The following DDR2 variants were observed in gnomAD, a reference collection of about 807,000 sequenced individuals.
DDR2 encodes the protein discoidin domain-containing receptor 2.
A neutral mutation model predicts 94.9 loss-of-function variants in DDR2; 27 were observed. The ratio of observed to expected loss-of-function variants is 0.28; its 90% CI spans 0.21 to 0.39. The LOEUF (loss-of-function observed/expected upper bound fraction) is 0.39, where lower values mean the gene tolerates loss of function less well. DDR2 is among the 10% of genes least tolerant of loss of function. The pLI is 1.00. For synonymous variants in DDR2, 382 were observed against 377.2 expected (o/e 1.01, Z -0.15); for missense variants, 783 against 1,076.0 (o/e 0.73, Z 3.81).
At chr1:162,766,137 A>C in intron 10 of DDR2, 74 bp downstream of exon 10, 1 of 1,534,124 alleles carries the variant, frequency 6.5e-7, no homozygotes, top group Non-Finnish European at 9.0e-7. Context: ...GGAGAGTTGC[A>C]AAGCCCTGGC....
chr1:162,654,157 T>A (rs1657841523), intron 1 of DDR2, among the ~76,000 whole-genome samples: 1 of 152,060 alleles, frequency 6.6e-6, no homozygotes, highest in South Asian at 2.1e-4. Flanking sequence ...ACTATGCATC[T>A]CAAGGCATGG....
intron 3 of DDR2, among the ~76,000 whole-genome samples, chr1:162,749,130 G>C (rs1379555801): frequency 6.6e-6 from 1 of 152,108 alleles, no homozygotes; most frequent in African/African-American, 2.4e-5. Context: ...TCAAAAGCTA[G>C]CAGAAGGCAA....
At chr1:162,686,769 G>T (rs181150553) in intron 2 of DDR2, among the ~76,000 whole-genome samples, 19 of 152,238 alleles carry the variant, frequency 1.2e-4, no homozygotes, top group Admixed American at 3.9e-4. Flanking sequence ...GTAGAAATGG[G>T]GTTTTGCCAT....
intron 3 of DDR2, among the ~76,000 whole-genome samples, chr1:162,739,119 A>C (rs1204522619): frequency 1.5e-5 from 2 of 130,840 alleles, no homozygotes; most frequent in African/African-American, 2.9e-5. Context: ...GGATCTAATT[A>C]AACTAAAGAG....
chr1:162,693,663 T>C (rs1001851902), intron 2 of DDR2, among the ~76,000 whole-genome samples: 4 of 152,166 alleles, frequency 2.6e-5, no homozygotes, highest in Admixed American at 1.3e-4. Context: ...GGAGCTGGGC[T>C]GAGGGTTTGG....
intron 3 of DDR2, among the ~76,000 whole-genome samples, chr1:162,743,192 G>T (rs1386666777): frequency 1.3e-5 from 2 of 151,780 alleles, no homozygotes; most frequent in African/African-American, 4.8e-5. Flanking sequence ...CCTTTTTTAG[G>T]GTGAGATAAG....
chr1:162,774,327 CAT>C (rs1392952322), intron 14 of DDR2, among the ~76,000 whole-genome samples: 2 of 152,292 alleles, frequency 1.3e-5, no homozygotes, highest in African/African-American at 2.4e-5. Flanking sequence ...ACCTGGATAA[CAT>C]ATGCATTTTC....
chr1:162,757,776 A>G (rs1048438512), intron 7 of DDR2, among the ~76,000 whole-genome samples: 1 of 152,166 alleles, frequency 6.6e-6, no homozygotes, highest in Non-Finnish European at 1.5e-5. Context: ...AGTTCTGCCA[A>G]GTAAAAAGAA....
At chr1:162,764,055 T>G (rs1234381130) in intron 9 of DDR2, among the ~76,000 whole-genome samples, 1 of 152,252 alleles carries the variant, frequency 6.6e-6, no homozygotes, top group Non-Finnish European at 1.5e-5. Flanking sequence ...CACTATGTTC[T>G]AAGGTCAGTT....
intron 14 of DDR2, among the ~76,000 whole-genome samples, chr1:162,774,177 T>C (rs898641924): frequency 6.6e-6 from 1 of 152,232 alleles, no homozygotes; most frequent in Admixed American, 6.5e-5. Flanking sequence ...ATCTCTTGGA[T>C]CTTTTTCTAC....
intron 2 of DDR2, among the ~76,000 whole-genome samples, chr1:162,675,330 C>T (rs555518221): frequency 8.5e-5 from 13 of 152,180 alleles, no homozygotes; most frequent in South Asian, 6.2e-4. Context: ...GGGGTTCTGG[C>T]GGTGGCACAG....
At chr1:162,778,794 C>T in intron 17 of DDR2, 65 bp downstream of exon 17, 1 of 1,607,580 alleles carries the variant, frequency 6.2e-7, no homozygotes, top group Non-Finnish European at 8.5e-7. Flanking sequence ...AATGGCAAGT[C>T]CTGCCTTAGC....
rs1320027288 is a variant in DDR2, at chr1:162,719,042, A to G, written c.-22A>G. ...GCATTATTGGTTGGTGGCAGACTCC[A>G]GTTCCAACACCATCTTCTGAGATGA... On this transcript the variant is annotated 5_prime_UTR_variant, in exon 3 of 18. Coordinates refer to ENST00000367921, the MANE Select transcript of DDR2 (RefSeq NM_006182.4). 3 of 1,613,690 alleles carry G rather than the reference A, an allele frequency of 1.9e-6. No homozygotes were observed. The highest frequency in any genetic ancestry group is 2.5e-6 in the Non-Finnish European group (3 of 1,179,678).
chr1:162,637,672 T>C (rs535511343), intron 1 of DDR2, among the ~76,000 whole-genome samples: 2 of 152,340 alleles, frequency 1.3e-5, no homozygotes, highest in African/African-American at 4.8e-5. Flanking sequence ...TAGCTACAGT[T>C]TGAGGTTTCT....
chr1:162,680,543 A>G (rs1337873816), intron 2 of DDR2, among the ~76,000 whole-genome samples: 2 of 152,202 alleles, frequency 1.3e-5, no homozygotes, highest in Non-Finnish European at 2.9e-5. Flanking sequence ...ACAGCCCTGC[A>G]GTATACTTTG....
At chr1:162,651,350 T>A (rs1046551231) in intron 1 of DDR2, among the ~76,000 whole-genome samples, 1 of 152,246 alleles carries the variant, frequency 6.6e-6, no homozygotes, top group African/African-American at 2.4e-5. Flanking sequence ...ATCCCATAAC[T>A]TGCCCATTCA....
At chr1:162,695,161 C>T (rs1660131557) in intron 2 of DDR2, among the ~76,000 whole-genome samples, 1 of 152,010 alleles carries the variant, frequency 6.6e-6, no homozygotes, top group Non-Finnish European at 1.5e-5. Flanking sequence ...TATTACAGTC[C>T]CTTCATATAG....
chr1:162,732,462 G>T (rs933151697), intron 3 of DDR2, among the ~76,000 whole-genome samples: 6 of 152,210 alleles, frequency 3.9e-5, no homozygotes, highest in African/African-American at 1.4e-4. Flanking sequence ...CAGGAGACCT[G>T]AATTTCAGTC....
At chr1:162,755,065 GAAGA>G in intron 5 of DDR2, 87 bp from the exon 6 acceptor site, 1 of 1,571,210 alleles carries the variant, frequency 6.4e-7, no homozygotes, top group African/African-American at 1.3e-5. Context: ...CTCGAATTAA[GAAGA>G]GAGAGTCCAT....
Sources: allele counts gnomAD v4.1 joint callset (sites outside exome capture counted in the v4.1 genomes callset), GRCh38; gene constraint gnomAD v4.1.1; transcripts MANE v1.5; gene names NCBI Gene and HGNC (gene_info 2026-07-23, HGNC 2026-07-21).